Variants in NYAP1 observed in about 807,000 individuals in gnomAD.
The protein encoded by NYAP1 is neuronal tyrosine-phosphorylated phosphoinositide-3-kinase adapter 1.
Under a neutral mutation model 58.6 loss-of-function variants are expected in NYAP1, and 20 were observed. The ratio of observed to expected loss-of-function variants is 0.34; its 90% confidence interval spans 0.24 to 0.50. The LOEUF (loss-of-function observed/expected upper bound fraction) is 0.50. Ranked by LOEUF, NYAP1 falls within the 20% of genes least tolerant of loss-of-function variation. The probability of loss-of-function intolerance (pLI) is 0.98; values close to 1 mark genes in which losing one functional copy is unlikely to be tolerated. For missense variants in NYAP1, 1,150 were observed against 1,194.5 expected, an observed-to-expected ratio of 0.96 and a Z score of 0.55; for synonymous variants, 572 against 523.1, an observed-to-expected ratio of 1.09 and a Z score of -1.27.
rs777500511 is a variant in NYAP1, at chr7:100,489,485, C to T, written c.1764C>T (p.Ile588=). ...GGGCCCCATCCCCCATGGTCAAGAT[C>T]CAGCTGCAGGAGCAAGGGACCGATG... ...GVGAPSPMVK[I]QLQEQGTDGG... Residue 588 remains isoleucine, a synonymous_variant, in exon 4 of 7, where the codon ATC becomes ATT. Transcript: ENST00000300179. The T allele has an allele frequency of 3.1e-6, 5 of 1,613,222 alleles. No individual in the cohort carries two copies. The highest frequency in any genetic ancestry group is 1.7e-5 in the Admixed American group (1 of 60,014).
In NYAP1 at chr7:100,490,472, C is replaced by T. The variant is rs1051372138; in HGVS notation, c.1946-45C>T. 1.5e-5 allele frequency: 23 copies of T among 1,500,528 alleles called. No homozygotes were observed. Among genetic ancestry groups the T allele is most frequent in the South Asian group, 2.4e-5 (2 of 83,262 alleles). The allele number at this position is 1,500,528 out of a possible 1,614,324, so 93.0% of individuals were successfully genotyped here. On this transcript the variant is annotated intron_variant, in intron 4 of 6. Coordinates refer to ENST00000300179, the MANE Select transcript of NYAP1 (RefSeq NM_173564.4). This position sits in a 1 kb window ranked among gnomAD's most constrained non-coding sequence, Gnocchi z 4.6. ...ATGTGTGGCCAGAGGGACAGAATGA[C>T]GCCTCCAACATGCAGGCACACAGCT...
rs971478158 is a variant in NYAP1, at chr7:100,485,234, C to T, written c.-78C>T. The T allele has an allele frequency of 3.1e-5, 25 of 807,008 alleles. No individual in the cohort carries two copies. Among genetic ancestry groups the T allele is most frequent in the Non-Finnish European group, 5.0e-5 (24 of 483,416 alleles). 50.0% of individuals were successfully genotyped at this position (807,008 alleles called of 1,614,324 possible). A position where few individuals can be genotyped will look rare whatever the true frequency, so the allele number is the denominator to read the frequency against. On this transcript the variant is annotated 5_prime_UTR_variant, in exon 2 of 7. Coordinates refer to ENST00000300179, the MANE Select transcript of NYAP1 (RefSeq NM_173564.4). The surrounding 1 kb of genome is among the most constrained non-coding windows in gnomAD (Gnocchi z 5.7). The stretch of plus-strand genomic sequence containing the variant: ...CACCCACCCCGCCCGCCAGTGGATC[C>T]GGGACCCAGGGAGGGCCGCCCCCCG...
In NYAP1 at chr7:100,488,577, A is replaced by G; in HGVS notation, c.856A>G (p.Thr286Ala). The G allele has an allele frequency of 6.3e-7, 1 of 1,594,558 alleles. No individual in the cohort carries two copies. The highest frequency in any genetic ancestry group is 8.5e-7 in the Non-Finnish European group (1 of 1,171,288). ...CAATGGCCCTCCACCATTGACGGCA[A>G]CATCCCCGCCACAACAGCCTCACGC... ...RANGPPPLTA[T>A]SPPQQPHALP... Residue 286 changes from threonine to alanine, a missense_variant, in exon 4 of 7, where the codon ACA becomes GCA. Coordinates refer to ENST00000300179, the MANE Select transcript of NYAP1 (RefSeq NM_173564.4). The surrounding 1 kb of genome is among the most constrained non-coding windows in gnomAD (Gnocchi z 5.9).
In NYAP1 at chr7:100,489,144, C is replaced by A; in HGVS notation, c.1423C>A (p.Leu475Met). The A allele has an allele frequency of 6.2e-7, 1 of 1,608,200 alleles. No homozygotes were observed. The highest frequency in any genetic ancestry group is 8.5e-7 in the Non-Finnish European group (1 of 1,177,882). The change falls in exon 4 of 7, where the codon CTG becomes ATG. Residue 475 changes from leucine to methionine, a missense_variant. Physicochemically the swap from Leu to Met is conservative, Grantham distance 15. Coordinates refer to ENST00000300179, the MANE Select transcript of NYAP1 (RefSeq NM_173564.4). ...GGTCAAGGTGACCACGCACTCTGTC[C>A]TGCCAGCTGGTCCACCCCTGGGTGC... is the stretch of plus-strand genomic sequence containing the variant. ...SAVKVTTHSV[L>M]PAGPPLGAGE...
In NYAP1 at chr7:100,490,772, G is replaced by C. The variant is rs1437862894; in HGVS notation, c.2158+43G>C. 4 of 1,452,654 alleles carry C rather than the reference G, an allele frequency of 2.8e-6. No homozygotes were observed. The highest frequency in any genetic ancestry group is 3.7e-6 in the Non-Finnish European group (4 of 1,093,728). The allele number at this position is 1,452,654 out of a possible 1,614,324, so 90.0% of individuals were successfully genotyped here. Reference sequence around the variant, plus strand: ...CACCTGTGCACAGCGGGGCTGGCTGGGGGATCTCCCGGGGTCTAGCTGCAC... The same window carrying C: ...CACCTGTGCACAGCGGGGCTGGCTGCGGGATCTCCCGGGGTCTAGCTGCAC... On this transcript the variant is annotated intron_variant, in intron 5 of 6. Coordinates refer to ENST00000300179, the MANE Select transcript of NYAP1 (RefSeq NM_173564.4). This position sits in a 1 kb window ranked among gnomAD's most constrained non-coding sequence, Gnocchi z 4.6.
At position 100,493,970 on chromosome 7, in the gene NYAP1, G is replaced by A; in HGVS notation, c.*67G>A. On this transcript the variant is annotated 3_prime_UTR_variant, in exon 7 of 7. Coordinates refer to ENST00000300179, the MANE Select transcript of NYAP1 (RefSeq NM_173564.4). ...GCGGGCACGCCTGGCTCTCCCGGGA[G>A]CCTCGCCTTGAGAGACATTGAAAGA... 7.6e-7 allele frequency: 1 copy of A among 1,312,172 alleles called. No homozygotes were observed. Among genetic ancestry groups the A allele is most frequent in the Non-Finnish European group, 1.0e-6 (1 of 1,002,120 alleles). The allele number at this position is 1,312,172 out of a possible 1,614,324, so 81.3% of individuals were successfully genotyped here. A position where few individuals can be genotyped will look rare whatever the true frequency, so the allele number is the denominator to read the frequency against.
Position 100,489,022 on chromosome 7 carries a change from A to T in NYAP1, c.1301A>T (p.Lys434Met), listed in dbSNP as rs1386424957. 2 of 1,557,912 alleles carry T rather than the reference A, an allele frequency of 1.3e-6. No homozygotes were observed. The highest frequency in any genetic ancestry group is 2.7e-5 in the African/African-American group (2 of 73,584). The change falls in exon 4 of 7, where the codon AAG becomes ATG. Residue 434 changes from lysine to methionine, a missense_variant. Transcript: ENST00000300179. ...LPNSHSMICP[K>M]AAGAPAAPPA... ...AACTCCCACAGCATGATCTGCCCTAAGGCGGCGGGGGCGCCGGCAGCCCCC... is the reference window on the plus strand; with the variant it reads ...AACTCCCACAGCATGATCTGCCCTATGGCGGCGGGGGCGCCGGCAGCCCCC...
chr7:100,486,691 C>T lies in NYAP1; in HGVS notation c.69-130C>T. On this transcript the variant is annotated intron_variant, in intron 2 of 6. Transcript: ENST00000300179. The surrounding 1 kb of genome is among the most constrained non-coding windows in gnomAD (Gnocchi z 6.2). The stretch of plus-strand genomic sequence containing the variant: ...TTGGTGCCCTGGACCTTCTGGCAAC[C>T]CTGTCCCCACCCAGGCTCCCGTCCT... 1 of 1,135,100 alleles carries T rather than the reference C, an allele frequency of 8.8e-7. No homozygotes were observed. Among genetic ancestry groups the T allele is most frequent in the Non-Finnish European group, 1.2e-6 (1 of 847,532 alleles). 70.3% of individuals were successfully genotyped at this position (1,135,100 alleles called of 1,614,324 possible).
rs1186605952 is a variant in NYAP1, at chr7:100,494,009, T to TG, written c.*107dup. On this transcript the variant is annotated 3_prime_UTR_variant, in exon 7 of 7. Coordinates refer to ENST00000300179, the MANE Select transcript of NYAP1 (RefSeq NM_173564.4). ...GACATTGAAAGACTACGTGGGAGAGTGCCAGGGAGAACCCCTGCCCTCCAA... is the reference window on the plus strand; with the variant it reads ...GACATTGAAAGACTACGTGGGAGAGTGGCCAGGGAGAACCCCTGCCCTCCAA... 1.9e-5 allele frequency: 20 copies of TG among 1,044,488 alleles called. No individual in the cohort carries two copies. Among genetic ancestry groups the TG allele is most frequent in the Non-Finnish European group, 2.6e-5 (20 of 767,278 alleles). 64.7% of individuals were successfully genotyped at this position (1,044,488 alleles called of 1,614,324 possible).
chr7:100,493,882 C>T lies in NYAP1; in HGVS notation c.2505C>T (p.Val835=). 1 of 1,485,766 alleles carries T rather than the reference C, an allele frequency of 6.7e-7. No homozygotes were observed. Among genetic ancestry groups the T allele is most frequent in the Non-Finnish European group, 8.9e-7 (1 of 1,121,322 alleles). 92.0% of individuals were successfully genotyped at this position (1,485,766 alleles called of 1,614,324 possible). ...CGCCCTGCCGCCGGCAGCACACGGT[C>T]CTCTGGGACACCGCCATCTGAGGCG... ...GTPPCRRQHT[V]LWDTAI Residue 835 remains valine (V), a synonymous_variant, in exon 7 of 7, where the codon GTC becomes GTT. Transcript: ENST00000300179.
In NYAP1 at chr7:100,490,024, A is replaced by C. The variant is rs985511357; in HGVS notation, c.1945+358A>C. 1.3e-5 allele frequency among the ~76,000 whole-genome samples: 2 copies of C among 152,026 alleles called. No homozygotes were observed. Among genetic ancestry groups the C allele is most frequent in the Non-Finnish European group, 2.9e-5 (2 of 67,994 alleles). ...TGTTACCATGGCAACCCATCCAGACAGGAGGGAGAGGAGAGGGAGGCCCCT... is the reference window on the plus strand; with the variant it reads ...TGTTACCATGGCAACCCATCCAGACCGGAGGGAGAGGAGAGGGAGGCCCCT... On this transcript the variant is annotated intron_variant, in intron 4 of 6. Transcript: ENST00000300179. The surrounding 1 kb of genome is among the most constrained non-coding windows in gnomAD (Gnocchi z 4.6).
chr7:100,493,738 C>T lies in NYAP1; in HGVS notation c.2361C>T (p.Arg787=), dbSNP rs766938978. ...GKLLEVIERK[R]CVCKEIKARH... ...TGCTGGAGGTGATCGAGCGCAAGCG[C>T]TGCGTGTGCAAGGAGATCAAGGCGC... The change falls in exon 7 of 7, where the codon CGC becomes CGT. Residue 787 remains arginine, a synonymous_variant. Coordinates refer to ENST00000300179, the MANE Select transcript of NYAP1 (RefSeq NM_173564.4). The T allele has an allele frequency of 5.6e-6, 9 of 1,604,512 alleles. No homozygotes were observed. The highest frequency in any genetic ancestry group is 5.1e-6 in the Non-Finnish European group (6 of 1,178,170).
chr7:100,493,593 C>T, intron 6 of NYAP1, 53 bp from the exon 7 acceptor site: 1 of 1,471,928 alleles, frequency 6.8e-7, no homozygotes, highest in Non-Finnish European at 9.1e-7. Context: ...TCCGGTCATG[C>T]TGAGGTCCCC....
rs1799846493 is a variant in NYAP1 at position 100,494,578 on chromosome 7, G to A, written c.*675G>A. On this transcript the variant is annotated 3_prime_UTR_variant, in exon 7 of 7. Coordinates refer to ENST00000300179, the MANE Select transcript of NYAP1 (RefSeq NM_173564.4). ...ATTTACAATTTGCCAGAATTTGGTA[G>A]TCAGTGTGGCCTGCTCTGAATCAGG... The A allele has an allele frequency of 6.6e-6, 1 of 151,194 alleles. No individual in the cohort carries two copies. Among genetic ancestry groups the A allele is most frequent in the Non-Finnish European group, 1.5e-5 (1 of 67,860 alleles). The allele number at this position is 151,194 out of a possible 1,614,324, so 9.4% of individuals were successfully genotyped here. A position where few individuals can be genotyped will look rare whatever the true frequency, so the allele number is the denominator to read the frequency against.
In NYAP1 at chr7:100,488,836, C is replaced by G; in HGVS notation, c.1115C>G (p.Ala372Gly). ...HSKEPAGSTPAPQVPARERET... is the reference protein window; with the variant it reads ...HSKEPAGSTPGPQVPARERET... ...AAGGAGCCAGCCGGCTCCACCCCAG[C>G]TCCCCAAGTGCCTGCACGGGAGCGG... Residue 372 changes from alanine to glycine, a missense_variant, in exon 4 of 7, where the codon GCT becomes GGT. Coordinates refer to ENST00000300179, the MANE Select transcript of NYAP1 (RefSeq NM_173564.4). The surrounding 1 kb of genome is among the most constrained non-coding windows in gnomAD (Gnocchi z 5.9). 1 of 1,582,976 alleles carries G rather than the reference C, an allele frequency of 6.3e-7. No individual in the cohort carries two copies. The highest frequency in any genetic ancestry group is 8.6e-7 in the Non-Finnish European group (1 of 1,167,032).
At position 100,483,978 on chromosome 7, in the gene NYAP1, G is replaced by C. The variant is rs555845328; in HGVS notation, c.-108G>C. ...CTGCTCCGGGCGGAGCCCGGCATGG[G>C]GGGGCCGGCGCCCGGCAGGCCAGGT... On this transcript the variant is annotated 5_prime_UTR_variant, in exon 1 of 7. Transcript: ENST00000300179. This position sits in a 1 kb window ranked among gnomAD's most constrained non-coding sequence, Gnocchi z 4.2. 1.3e-5 allele frequency: 2 copies of C among 153,276 alleles called. No homozygotes were observed. The highest frequency in any genetic ancestry group is 2.1e-4 in the South Asian group (1 of 4,860). 9.5% of individuals were successfully genotyped at this position (153,276 alleles called of 1,614,324 possible).
chr7:100,493,709 A>G lies in NYAP1; in HGVS notation c.2332A>G (p.Lys778Glu). Residue 778 changes from lysine to glutamate, a missense_variant, in exon 7 of 7, where the codon AAG (lysine) becomes GAG (glutamate). Transcript: ENST00000300179. ...CCAGCCGGCCCGCGAGCGTGACGGG[A>G]AGCTGCTGGAGGTGATCGAGCGCAA... Reference protein sequence around the residue: ...PPQPARERDGKLLEVIERKRC... With the variant: ...PPQPARERDGELLEVIERKRC... 1.3e-6 allele frequency: 2 copies of G among 1,598,716 alleles called. No homozygotes were observed. The highest frequency in any genetic ancestry group is 1.7e-6 in the Non-Finnish European group (2 of 1,176,150).
rs1351695965 is a variant in NYAP1, at chr7:100,489,361, C to T, written c.1640C>T (p.Pro547Leu). The T allele has an allele frequency of 6.2e-6, 10 of 1,612,210 alleles. No homozygotes were observed. Among genetic ancestry groups the T allele is most frequent in the Non-Finnish European group, 8.5e-6 (10 of 1,179,700 alleles). ...GACCCAACTGTAGGCCCCCTGACCC[C>T]GCTGTGGACCTACCCAGCCACAGCA... ...LPDPTVGPLTPLWTYPATAAG... is the reference protein window; with the variant it reads ...LPDPTVGPLTLLWTYPATAAG... The change falls in exon 4 of 7, where the codon CCG (proline) becomes CTG (leucine). Residue 547 changes from proline to leucine, a missense_variant. Transcript: ENST00000300179.
chr7:100,494,010 G>A lies in NYAP1; in HGVS notation c.*107G>A, dbSNP rs1014097725. 120 of 1,039,506 alleles carry A rather than the reference G, an allele frequency of 1.2e-4. No homozygotes were observed. The highest frequency in any genetic ancestry group is 1.5e-4 in the Non-Finnish European group (117 of 762,368). 64.4% of individuals were successfully genotyped at this position (1,039,506 alleles called of 1,614,324 possible). A position where few individuals can be genotyped will look rare whatever the true frequency, so the allele number is the denominator to read the frequency against. On this transcript the variant is annotated 3_prime_UTR_variant, in exon 7 of 7. Transcript: ENST00000300179. ...ACATTGAAAGACTACGTGGGAGAGT[G>A]CCAGGGAGAACCCCTGCCCTCCAAC...
Sources: gnomAD v4.1 joint callset for allele counts (sites outside exome capture counted in the v4.1 genomes callset) on GRCh38, gnomAD v4.1.1 for gene constraint, Gnocchi (gnomAD v3.1) non-coding constraint, MANE v1.5 for transcripts, NCBI Gene and HGNC (gene_info 2026-07-23, HGNC 2026-07-21) for gene names.